The following FMN2 variants were observed in gnomAD, a reference collection of about 807,000 sequenced individuals.
FMN2 encodes the protein formin 2.
Under a neutral mutation model 142.3 loss-of-function variants are expected in FMN2, and 51 were observed. That is an observed-to-expected ratio of 0.36 (90% CI 0.29 to 0.45). FMN2 has a LOEUF of 0.45. Ranked by LOEUF, FMN2 falls within the 20% of genes least tolerant of loss-of-function variation. The pLI is 1.00. For missense variants in FMN2, 1,936 were observed against 2,122.8 expected (o/e 0.91, Z 1.73); for synonymous variants, 882 against 869.8 (o/e 1.01, Z -0.25).
At chr1:240,184,920 T>A (rs1474126897) in intron 3 of FMN2, among the ~76,000 whole-genome samples, 1 of 150,668 alleles carries the variant, frequency 6.6e-6, no homozygotes, top group African/African-American at 2.4e-5. Context: ...ATTTTTCATG[T>A]TCCCTTTACT....
At chr1:240,130,125 T>C (rs955221474) in intron 2 of FMN2, among the ~76,000 whole-genome samples, 2 of 152,146 alleles carry the variant, frequency 1.3e-5, no homozygotes, top group African/African-American at 4.8e-5. Flanking sequence ...GGGCATACTT[T>C]TAAGGTTAAT....
chr1:240,292,406 C>G (rs1041035773), intron 7 of FMN2, among the ~76,000 whole-genome samples: 5 of 152,136 alleles, frequency 3.3e-5, no homozygotes, highest in African/African-American at 1.2e-4. Context: ...CTGTGCATTA[C>G]CAGTTGTCTG....
chr1:240,117,483 G>A (rs894432163), intron 1 of FMN2, among the ~76,000 whole-genome samples: 1 of 152,182 alleles, frequency 6.6e-6, no homozygotes, highest in Non-Finnish European at 1.5e-5. Flanking sequence ...CCTGACAAGC[G>A]TGGTGGAGGG....
chr1:240,158,772 A>G (rs1321761799), intron 2 of FMN2, among the ~76,000 whole-genome samples: 2 of 152,150 alleles, frequency 1.3e-5, no homozygotes, highest in East Asian at 3.9e-4. Flanking sequence ...CCACACTCTC[A>G]TAAAGACTCT....
intron 3 of FMN2, among the ~76,000 whole-genome samples, chr1:240,187,041 C>T (rs558832209): frequency 4.2e-4 from 63 of 148,714 alleles, no homozygotes; most frequent in African/African-American, 1.3e-3. Context: ...CCAAGGCGGG[C>T]GGATCACGAG....
At chr1:240,149,954 G>A (rs894365823) in intron 2 of FMN2, among the ~76,000 whole-genome samples, 3 of 151,898 alleles carry the variant, frequency 2.0e-5, no homozygotes, top group African/African-American at 7.3e-5. Flanking sequence ...TTATAGTTAA[G>A]GTATCAATAA....
chr1:240,277,723 C>G (rs144219059), intron 7 of FMN2, among the ~76,000 whole-genome samples: 1 of 151,490 alleles, frequency 6.6e-6, no homozygotes, highest in South Asian at 2.1e-4. Flanking sequence ...TTAGTAGAGA[C>G]GAGGTTTCAC....
Position 240,453,937 on chromosome 1 carries a change from C to T in FMN2, c.5060+15727C>T, listed in dbSNP as rs1162809600. ...CCGGGAAGCGGAGCTTGCAGTGAGC[C>T]GAGATTGCGCCACTGCAGTCCGCAG... On this transcript the variant is annotated intron_variant, in intron 16 of 17. Transcript: ENST00000319653. Among the ~76,000 whole-genome samples, 2 of 11,328 alleles carry T rather than the reference C, an allele frequency of 1.8e-4. 1 individual carries two copies. Among genetic ancestry groups the T allele is most frequent in the African/African-American group, 4.4e-4 (2 of 4,590 alleles). 7.4% of individuals were successfully genotyped at this position (11,328 alleles called of 152,430 possible).
chr1:240,322,599 G>A (rs536654677), intron 8 of FMN2, among the ~76,000 whole-genome samples: 1 of 152,276 alleles, frequency 6.6e-6, no homozygotes, highest in African/African-American at 2.4e-5. Context: ...TACAGTGGCG[G>A]TATGCTAGAG....
At chr1:240,340,300 G>C (rs72766297) in intron 13 of FMN2, among the ~76,000 whole-genome samples, 20,950 of 152,014 alleles carry the variant, frequency 0.14, 1,593 homozygotes, top group African/African-American at 0.18. Context: ...CTTAGTCCGG[G>C]CCGGGTGCAG....
At chr1:240,193,546 G>C (rs550632612) in intron 4 of FMN2, among the ~76,000 whole-genome samples, 1 of 152,306 alleles carries the variant, frequency 6.6e-6, no homozygotes, top group South Asian at 2.1e-4. Context: ...TTTCAGATCA[G>C]AGAAGAGAGT....
chr1:240,428,844 T>A (rs1675043655), intron 15 of FMN2, among the ~76,000 whole-genome samples: 1 of 152,232 alleles, frequency 6.6e-6, no homozygotes, highest in African/African-American at 2.4e-5. Context: ...AACTTATCTT[T>A]CCTGTCAAAC....
At chr1:240,432,648 G>A (rs532680946) in intron 15 of FMN2, among the ~76,000 whole-genome samples, 1 of 151,594 alleles carries the variant, frequency 6.6e-6, no homozygotes, top group African/African-American at 2.4e-5. Flanking sequence ...CTAAGTACTT[G>A]CTTTATTTGT....
chr1:240,233,012 T>G (rs1447020015), intron 6 of FMN2, among the ~76,000 whole-genome samples: 1 of 152,224 alleles, frequency 6.6e-6, no homozygotes, highest in African/African-American at 2.4e-5. Flanking sequence ...TAGTGGTTTA[T>G]TGTTGCCCAC....
intron 2 of FMN2, among the ~76,000 whole-genome samples, chr1:240,146,393 CAAAAAA>C (rs71170704): frequency 2.0e-5 from 2 of 99,424 alleles, no homozygotes; most frequent in African/African-American, 4.1e-5. Flanking sequence ...GACTCTGTCT[CAAAAAA>C]AAAAAAAAAA....
At chr1:240,270,384 T>G (rs542154856) in intron 7 of FMN2, among the ~76,000 whole-genome samples, 3 of 152,140 alleles carry the variant, frequency 2.0e-5, no homozygotes, top group Non-Finnish European at 4.4e-5. Context: ...ATTTCACTAC[T>G]GGGTATATAC....
intron 6 of FMN2, among the ~76,000 whole-genome samples, chr1:240,241,149 T>C (rs1380375033): frequency 2.0e-5 from 3 of 152,118 alleles, no homozygotes; most frequent in Non-Finnish European, 2.9e-5. Flanking sequence ...ATAAAAACTT[T>C]AATAAAATAT....
chr1:240,121,170 A>G (rs1558305223), intron 1 of FMN2, among the ~76,000 whole-genome samples: 1 of 151,712 alleles, frequency 6.6e-6, no homozygotes, highest in Non-Finnish European at 1.5e-5. Context: ...AAAATGTGTC[A>G]GAAAAAATTA....
intron 16 of FMN2, among the ~76,000 whole-genome samples, chr1:240,465,384 GTGTC>G (rs1553268382): frequency 2.3e-5 from 3 of 129,018 alleles, no homozygotes; most frequent in Admixed American, 8.1e-5. Context: ...GTGTGTGTGT[GTGTC>G]TGTCTTTCTC....
Sources: allele counts gnomAD v4.1 joint callset (sites outside exome capture counted in the v4.1 genomes callset), GRCh38; gene constraint gnomAD v4.1.1; transcripts MANE v1.5; gene names NCBI Gene and HGNC (gene_info 2026-07-23, HGNC 2026-07-21).